CFAP299: variants seen among roughly 807,000 people sequenced by gnomAD.
CFAP299 encodes cilia and flagella associated protein 299.
In CFAP299, 21 loss-of-function variants were observed where a neutral mutation model predicts 27.0. That is an observed-to-expected ratio of 0.78 (90% CI 0.55 to 1.12). The LOEUF (loss-of-function observed/expected upper bound fraction) is 1.12, where lower values mean the gene tolerates loss of function less well. CFAP299 is among the 50% of genes most tolerant of loss of function. The probability of loss-of-function intolerance (pLI) is 0.00; values close to 1 mark genes in which losing one functional copy is unlikely to be tolerated. For synonymous variants in CFAP299, 104 were observed against 98.1 expected, an observed-to-expected ratio of 1.06 and a Z score of -0.36; for missense variants, 310 against 276.6, an observed-to-expected ratio of 1.12 and a Z score of -0.86.
intron 4 of CFAP299, among the ~76,000 whole-genome samples, chr4:80,896,686 G>A (rs1734625941): frequency 6.6e-6 from 1 of 152,126 alleles, no homozygotes; most frequent in Non-Finnish European, 1.5e-5. Context: ...TAAAGGCAAT[G>A]ACTTACATTT....
intron 3 of CFAP299, among the ~76,000 whole-genome samples, chr4:80,804,338 A>G (rs980556594): frequency 2.6e-5 from 4 of 152,096 alleles, no homozygotes; most frequent in African/African-American, 4.8e-5. Flanking sequence ...TTATTTCACT[A>G]TTCCAAGTAG....
intron 3 of CFAP299, among the ~76,000 whole-genome samples, chr4:80,868,768 G>A (rs1186229119): frequency 6.6e-6 from 1 of 151,686 alleles, no homozygotes. Context: ...TTAGTAGGAA[G>A]GTCAGTCACA....
upstream of CFAP299, chr4:80,335,728 C>T: frequency 8.0e-7 from 1 of 1,255,756 alleles, no homozygotes; most frequent in Non-Finnish European, 1.2e-6. Context: ...CCCTGCCCTC[C>T]TGCTTCCGTT....
intron 3 of CFAP299, among the ~76,000 whole-genome samples, chr4:80,798,404 T>A (rs1417462948): frequency 1.3e-5 from 2 of 152,110 alleles, no homozygotes; most frequent in Non-Finnish European, 2.9e-5. Flanking sequence ...GCAAAAAATG[T>A]TCACCAGAGT....
At chr4:80,322,995 G>A in the CFAP299 span, among the ~76,000 whole-genome samples, 3 of 152,120 alleles carry the variant, frequency 2.0e-5, no homozygotes, top group East Asian at 3.9e-4. Flanking sequence ...GAAAGATAAA[G>A]CAATATAAAC....
chr4:80,622,990 G>A (rs780624715), intron 3 of CFAP299, among the ~76,000 whole-genome samples: 1 of 152,126 alleles, frequency 6.6e-6, no homozygotes, highest in Non-Finnish European at 1.5e-5. Flanking sequence ...GTAAGTGAGA[G>A]GATCAACATG....
At chr4:80,542,943 C>T (rs1734073034) in intron 2 of CFAP299, among the ~76,000 whole-genome samples, 2 of 152,082 alleles carry the variant, frequency 1.3e-5, no homozygotes, top group African/African-American at 2.4e-5. Flanking sequence ...AACCAAGCAT[C>T]CCCCACCATC....
chr4:80,531,943 C>T (rs777572345), intron 2 of CFAP299, among the ~76,000 whole-genome samples: 4 of 151,752 alleles, frequency 2.6e-5, no homozygotes, highest in Non-Finnish European at 5.9e-5. Context: ...TTAGTAGAGA[C>T]GGGGTTTCTC....
intron 3 of CFAP299, among the ~76,000 whole-genome samples, chr4:80,742,006 T>C (rs142935185): frequency 6.6e-6 from 1 of 152,264 alleles, no homozygotes; most frequent in African/African-American, 2.4e-5. Context: ...CCCCATTTGC[T>C]GTGCTCTCCA....
At chr4:80,664,510 G>A (rs903047695) in intron 3 of CFAP299, among the ~76,000 whole-genome samples, 2 of 152,102 alleles carry the variant, frequency 1.3e-5, no homozygotes, top group African/African-American at 2.4e-5. Context: ...CGAACTTCCT[G>A]GCAGCTTTGT....
intron 2 of CFAP299, among the ~76,000 whole-genome samples, chr4:80,528,682 A>T (rs998042978): frequency 6.6e-6 from 1 of 152,144 alleles, no homozygotes; most frequent in African/African-American, 2.4e-5. Flanking sequence ...GAGAAGAGAC[A>T]AGGATCATTT....
intron 2 of CFAP299, among the ~76,000 whole-genome samples, chr4:80,517,509 G>A (rs888425073): frequency 1.3e-5 from 2 of 152,170 alleles, no homozygotes; most frequent in Non-Finnish European, 1.5e-5. Context: ...GGAAAACTGA[G>A]GGAATTCTAT....
At chr4:80,740,969 A>G (rs975897614) in intron 3 of CFAP299, among the ~76,000 whole-genome samples, 10 of 152,190 alleles carry the variant, frequency 6.6e-5, no homozygotes, top group Non-Finnish European at 1.2e-4. Context: ...GCAGAGGTCC[A>G]AAAGTGCTCT....
At chr4:80,357,171 C>T (rs571651481) in intron 1 of CFAP299, among the ~76,000 whole-genome samples, 5 of 152,264 alleles carry the variant, frequency 3.3e-5, no homozygotes, top group South Asian at 4.1e-4. Flanking sequence ...ACCAACCTTG[C>T]GTCCCAAGGA....
rs574028935 is a variant in CFAP299, at chr4:80,515,983, A to G, written c.243-67110A>G. 1.3e-4 allele frequency among the ~76,000 whole-genome samples: 19 copies of G among 149,632 alleles called. No homozygotes were observed. The South Asian group carries it at 4.0e-3, about 32-fold the overall frequency. Reference sequence around the variant, plus strand: ...TTAATTTAGCGGACCAAAATACAATATCTAGTGGGATGTGTTAGTCTGTTT... The same window carrying G: ...TTAATTTAGCGGACCAAAATACAATGTCTAGTGGGATGTGTTAGTCTGTTT... On this transcript the variant is annotated intron_variant, in intron 2 of 5. Coordinates refer to ENST00000358105, the MANE Select transcript of CFAP299 (RefSeq NM_152770.3).
chr4:80,939,365 T>C (rs1238030701), intron 4 of CFAP299, among the ~76,000 whole-genome samples: 2 of 152,168 alleles, frequency 1.3e-5, no homozygotes, highest in African/African-American at 4.8e-5. Flanking sequence ...TCTTTTTCAT[T>C]CTTTGTCTTT....
At chr4:80,893,081 C>G (rs2110188453) in intron 4 of CFAP299, among the ~76,000 whole-genome samples, 1 of 150,540 alleles carries the variant, frequency 6.6e-6, no homozygotes, top group Non-Finnish European at 1.5e-5. Context: ...GCATTATATC[C>G]ACTAACAACA....
At chr4:80,357,424 C>T (rs1221049852) in intron 1 of CFAP299, among the ~76,000 whole-genome samples, 1 of 152,180 alleles carries the variant, frequency 6.6e-6, no homozygotes, top group East Asian at 1.9e-4. Context: ...ACCAGCTCTT[C>T]TTTGTACATC....
At chr4:80,962,126 T>C (rs912228894) in intron 5 of CFAP299, among the ~76,000 whole-genome samples, 1 of 151,984 alleles carries the variant, frequency 6.6e-6, no homozygotes, top group Non-Finnish European at 1.5e-5. Context: ...TGTAGGTTAT[T>C]CATCTATAAG....
Sources: gnomAD v4.1 joint callset for allele counts (sites outside exome capture counted in the v4.1 genomes callset) on GRCh38, gnomAD v4.1.1 for gene constraint, MANE v1.5 for transcripts, NCBI Gene and HGNC (gene_info 2026-07-23, HGNC 2026-07-21) for gene names.